The following ENKD1 variants were observed in gnomAD, a reference collection of about 807,000 sequenced individuals.
The protein encoded by ENKD1 is enkurin domain containing 1.
Under a neutral mutation model 35.8 loss-of-function variants are expected in ENKD1, and 39 were observed. The ratio of observed to expected loss-of-function variants is 1.09; its 90% CI spans 0.84 to 1.42. The LOEUF (loss-of-function observed/expected upper bound fraction) is 1.42, where lower values mean the gene tolerates loss of function less well. Among genes scored for constraint, ENKD1 ranks in the 40% most tolerant of loss-of-function variants. The pLI is 0.00. For missense variants in ENKD1, 474 were observed against 471.3 expected (o/e 1.01, Z -0.05); for synonymous variants, 205 against 198.6 (o/e 1.03, Z -0.27).
intron 2 of ENKD1, 125 bp downstream of exon 2, chr16:67,665,946 T>C: frequency 4.8e-6 from 5 of 1,031,850 alleles, no homozygotes; most frequent in Non-Finnish European, 5.6e-6. Context: ...CCTTTTATAG[T>C]TGGGGAAACT....
In ENKD1 at chr16:67,666,537, C is replaced by T. The variant is rs1053817776; in HGVS notation, c.-95G>A. ...TTCCCCAACCCCGGGCCCCCTCCCT[C>T]GCCCGGCACCCTGACCCTGGCGTGC... On this transcript the variant is annotated 5_prime_UTR_variant, in exon 1 of 7. Coordinates refer to ENST00000243878, the MANE Select transcript of ENKD1 (RefSeq NM_032140.3). 2 of 1,182,498 alleles carry T rather than the reference C, an allele frequency of 1.7e-6. No homozygotes were observed. Among genetic ancestry groups the T allele is most frequent in the African/African-American group, 3.3e-5 (2 of 61,238 alleles). 73.3% of individuals were successfully genotyped at this position (1,182,498 alleles called of 1,614,324 possible). A position where few individuals can be genotyped will look rare whatever the true frequency, so the allele number is the denominator to read the frequency against.
chr16:67,666,145 C>CG lies in ENKD1; in HGVS notation c.205dup (p.Arg69ProfsTer30). 6.2e-7 allele frequency: 1 copy of CG among 1,612,820 alleles called. No homozygotes were observed. The highest frequency in any genetic ancestry group is 1.1e-5 in the South Asian group (1 of 91,086). ...CACGTCCCCGACGCCGCGCTGGCCG[C>CG]GCTCCAGGATCTCTCCGGCACCGGG... On this transcript the variant is annotated frameshift_variant, in exon 2 of 7. Coordinates refer to ENST00000243878, the MANE Select transcript of ENKD1 (RefSeq NM_032140.3). LOFTEE classifies it high-confidence loss of function.
At chr16:67,664,762 C>T (rs1477088133) in intron 3 of ENKD1, among the ~76,000 whole-genome samples, 1 of 152,176 alleles carries the variant, frequency 6.6e-6, no homozygotes, top group Non-Finnish European at 1.5e-5. Context: ...GAGGTTCCAT[C>T]TTTTGGGAAT....
At position 67,663,319 on chromosome 16, in the gene ENKD1, G is replaced by T. The variant is rs987687144; in HGVS notation, c.883C>A (p.Gln295Lys). 2.5e-6 allele frequency: 4 copies of T among 1,613,330 alleles called. No individual in the cohort carries two copies. In the African/African-American group the frequency reaches 5.3e-5, roughly 22 times the overall value. The part of the protein sequence containing the change: ...LETLTKLLQS[Q>K]SQLLRELVLL... The stretch of plus-strand genomic sequence containing the variant: ...ACCAGCTCACGCAGCAGCTGGCTCT[G>T]GCCTACAGGGGGCCCGGGAACAGTG... Residue 295 changes from glutamine to lysine, a missense_variant and splice_region_variant, in exon 7 of 7, where the codon CAG becomes AAG. Transcript: ENST00000243878.
chr16:67,666,068 T>TACTCTTG lies in ENKD1; in HGVS notation c.276_280+2dup, dbSNP rs1555543809. 1 of 1,612,018 alleles carries TACTCTTG rather than the reference T, an allele frequency of 6.2e-7. No individual in the cohort carries two copies. Among genetic ancestry groups the TACTCTTG allele is most frequent in the Admixed American group, 1.7e-5 (1 of 59,954 alleles). On this transcript the variant is annotated splice_region_variant and intron_variant, in intron 2 of 6. Coordinates refer to ENST00000243878, the MANE Select transcript of ENKD1 (RefSeq NM_032140.3). ...TGTCCCTTCTTCCATTCCTGGGACT[T>TACTCTTG]ACTCTTGAGAGAGGCCCCAGGACCT...
intron 3 of ENKD1, 162 bp downstream of exon 3, chr16:67,664,834 C>G: frequency 1.2e-6 from 1 of 816,550 alleles, no homozygotes; most frequent in South Asian, 1.9e-5. Context: ...CCCACCATCA[C>G]TACTTCTGAG....
At position 67,666,160 on chromosome 16, in the gene ENKD1, C is replaced by T. The variant is rs1423152025; in HGVS notation, c.191G>A (p.Gly64Glu). ...PRGPCIGPGA[G>E]EILERGQRGV... ...GCGCTGGCCGCGCTCCAGGATCTCTCCGGCACCGGGACCGATGCAGGGGCC... is the reference window on the plus strand; with the variant it reads ...GCGCTGGCCGCGCTCCAGGATCTCTTCGGCACCGGGACCGATGCAGGGGCC... The change falls in exon 2 of 7, where the codon GGA becomes GAA. Residue 64 changes from glycine to glutamate, a missense_variant. Transcript: ENST00000243878. The T allele has an allele frequency of 6.2e-7, 1 of 1,612,678 alleles. No individual in the cohort carries two copies. Among genetic ancestry groups the T allele is most frequent in the Non-Finnish European group, 8.5e-7 (1 of 1,179,926 alleles).
In ENKD1 at chr16:67,664,990, A is replaced by G; in HGVS notation, c.453+6T>C. The G allele has an allele frequency of 1.3e-6, 2 of 1,593,530 alleles. No homozygotes were observed. Among genetic ancestry groups the G allele is most frequent in the Non-Finnish European group, 1.7e-6 (2 of 1,169,922 alleles). ...GATAATACTTCTGGCTCCCTGAAGC[A>G]GGTACCTGGAGCTGGGCCTTGACCC... is the stretch of plus-strand genomic sequence containing the variant. On this transcript the variant is annotated splice_donor_region_variant and intron_variant, in intron 3 of 6. Coordinates refer to ENST00000243878, the MANE Select transcript of ENKD1 (RefSeq NM_032140.3).
Position 67,666,341 on chromosome 16 carries a change from C to T in ENKD1, c.85+17G>A. 2 of 1,583,116 alleles carry T rather than the reference C, an allele frequency of 1.3e-6. No individual in the cohort carries two copies. Among genetic ancestry groups the T allele is most frequent in the Non-Finnish European group, 1.7e-6 (2 of 1,170,524 alleles). On this transcript the variant is annotated intron_variant, in intron 1 of 6. Transcript: ENST00000243878. ...CGACCCCTGAGCCTCGCACCACCGC[C>T]AAGCCCCCGGACTCACCCGAGGTCG...
chr16:67,665,167 C>G lies in ENKD1; in HGVS notation c.282G>C (p.Arg94Ser), dbSNP rs746984631. Residue 94 changes from arginine to serine, a missense_variant and splice_region_variant, in exon 3 of 7, where the codon AGG becomes AGC. Transcript: ENST00000243878. ...ISLGPGASLK[R>S]KDPKDHEKEN... The stretch of plus-strand genomic sequence containing the variant: ...CCTTCTCATGGTCCTTAGGGTCCTT[C>G]CCTGGAGAAAAGATGCCCCCAGGTT... 9 of 1,609,294 alleles carry G rather than the reference C, an allele frequency of 5.6e-6. No homozygotes were observed. Among genetic ancestry groups the G allele is most frequent in the Admixed American group, 1.7e-5 (1 of 58,970 alleles).
chr16:67,664,666 C>T (rs962769768), intron 3 of ENKD1, among the ~76,000 whole-genome samples: 2 of 152,206 alleles, frequency 1.3e-5, no homozygotes, highest in Non-Finnish European at 1.5e-5. Flanking sequence ...GTGGGTCCAG[C>T]TGACTTCTTG....
Position 67,663,793 on chromosome 16 carries a change from G to T in ENKD1, c.607C>A (p.Arg203Ser). The change falls in exon 5 of 7, where the codon CGT (arginine) becomes AGT (serine). Residue 203 changes from arginine (R) to serine (S), a missense_variant. Arg to Ser is a moderately radical substitution (Grantham distance 110). Coordinates refer to ENST00000243878, the MANE Select transcript of ENKD1 (RefSeq NM_032140.3). ...CTCTTGGCAGCTCGTGCATTGTGAC[G>T]AATGAAGTCCACCCCCAGGCCTGGC... ...KEPGLGVDFIRHNARAAKRAP... is the reference protein window; with the variant it reads ...KEPGLGVDFISHNARAAKRAP... 6.2e-7 allele frequency: 1 copy of T among 1,607,684 alleles called. No individual in the cohort carries two copies. The highest frequency in any genetic ancestry group is 8.5e-7 in the Non-Finnish European group (1 of 1,176,818).
rs532032852 is a variant in ENKD1, at chr16:67,666,167, C to T, written c.184G>A (p.Gly62Ser). The change falls in exon 2 of 7, where the codon GGT (glycine) becomes AGT (serine). Residue 62 changes from glycine to serine, a missense_variant. By Grantham distance (56) the Gly-to-Ser change is moderately conservative. Transcript: ENST00000243878. The part of the protein sequence containing the change: ...TAPRGPCIGP[G>S]AGEILERGQR... ...CCGCGCTCCAGGATCTCTCCGGCACCGGGACCGATGCAGGGGCCACGGGGA... is the reference window on the plus strand; with the variant it reads ...CCGCGCTCCAGGATCTCTCCGGCACTGGGACCGATGCAGGGGCCACGGGGA... 5 of 1,612,628 alleles carry T rather than the reference C, an allele frequency of 3.1e-6. No individual in the cohort carries two copies. Among genetic ancestry groups the T allele is most frequent in the East Asian group, 2.2e-5 (1 of 44,878 alleles).
chr16:67,666,074 T>G lies in ENKD1; in HGVS notation c.277A>C (p.Lys93Gln). 1 of 1,612,244 alleles carries G rather than the reference T, an allele frequency of 6.2e-7. No individual in the cohort carries two copies. Among genetic ancestry groups the G allele is most frequent in the Non-Finnish European group, 8.5e-7 (1 of 1,179,770 alleles). Residue 93 changes from lysine (K) to glutamine (Q), a missense_variant, in exon 2 of 7, where the codon AAG becomes CAG. By Grantham distance (53) the Lys-to-Gln change is moderately conservative. Coordinates refer to ENST00000243878, the MANE Select transcript of ENKD1 (RefSeq NM_032140.3). ...TTCTTCCATTCCTGGGACTTACTCTTGAGAGAGGCCCCAGGACCTAGGGAG... is the reference window on the plus strand; with the variant it reads ...TTCTTCCATTCCTGGGACTTACTCTGGAGAGAGGCCCCAGGACCTAGGGAG... ...GISLGPGASL[K>Q]RKDPKDHEKE...
chr16:67,663,135 T>G lies in ENKD1; in HGVS notation c.*26A>C, dbSNP rs2053052578. On this transcript the variant is annotated 3_prime_UTR_variant, in exon 7 of 7. Transcript: ENST00000243878. ...CATGTGGCGATCCTCAGCATGGAGC[T>G]CCTTGCCACTGTCCCCCAAAGGGGC... is the stretch of plus-strand genomic sequence containing the variant. 1 of 1,613,030 alleles carries G rather than the reference T, an allele frequency of 6.2e-7. No homozygotes were observed. The highest frequency in any genetic ancestry group is 1.7e-5 in the Admixed American group (1 of 59,984).
At position 67,663,703 on chromosome 16, in the gene ENKD1, C is replaced by T. The variant is rs922654494; in HGVS notation, c.697G>A (p.Ala233Thr). The change falls in exon 5 of 7, where the codon GCC (alanine) becomes ACC (threonine). Residue 233 changes from alanine to threonine, a missense_variant. By Grantham distance (58) the Ala-to-Thr change is moderately conservative. Transcript: ENST00000243878. ...LAQVLEQQRQ[A>T]QEHYNATQKG... ...TGCGTGGCATTGTAGTGCTCCTGGG[C>T]CTGCCGCTGCTGCTCTAGCACTTGT... 6.2e-6 allele frequency: 10 copies of T among 1,613,194 alleles called. 1 individual carries two copies. In the South Asian group the frequency reaches 9.9e-5, roughly 16 times the overall value.
Position 67,666,181 on chromosome 16 carries a change from G to C in ENKD1, c.170C>G (p.Pro57Arg), listed in dbSNP as rs766712740. 2 of 1,612,066 alleles carry C rather than the reference G, an allele frequency of 1.2e-6. No homozygotes were observed. Among genetic ancestry groups the C allele is most frequent in the South Asian group, 1.1e-5 (1 of 91,032 alleles). The change falls in exon 2 of 7, where the codon CCC becomes CGC. Residue 57 changes from proline (P) to arginine (R), a missense_variant. Coordinates refer to ENST00000243878, the MANE Select transcript of ENKD1 (RefSeq NM_032140.3). Reference sequence around the variant, plus strand: ...CTCTCCGGCACCGGGACCGATGCAGGGGCCACGGGGAGCGGTGGTGTCCAG... The same window carrying C: ...CTCTCCGGCACCGGGACCGATGCAGCGGCCACGGGGAGCGGTGGTGTCCAG... ...RALDTTAPRG[P>R]CIGPGAGEIL...
At chr16:67,664,121 A>C in intron 3 of ENKD1, 59 bp from the exon 4 acceptor site, 1 of 1,483,320 alleles carries the variant, frequency 6.7e-7, no homozygotes, top group Non-Finnish European at 9.2e-7. Context: ...CTCAAGCTGC[A>C]AGACCCTGGC....
Position 67,663,657 on chromosome 16 carries a change from T to A in ENKD1, c.743A>T (p.Tyr248Phe). The A allele has an allele frequency of 6.2e-7, 1 of 1,610,670 alleles. No individual in the cohort carries two copies. The highest frequency in any genetic ancestry group is 8.5e-7 in the Non-Finnish European group (1 of 1,177,752). ...CTGAGTGTCGGGCAGTGAGACCTAC[T>A]AATGTGGCACATGGCCCTTCTGCGT... ...NATQKGHVPH[Y>F]LLERRDLWRR... Residue 248 changes from tyrosine (Y) to phenylalanine (F), a missense_variant and splice_region_variant, in exon 5 of 7, where the codon TAC becomes TTC. Tyr to Phe is a conservative substitution (Grantham distance 22, BLOSUM62 3). Coordinates refer to ENST00000243878, the MANE Select transcript of ENKD1 (RefSeq NM_032140.3).
Sources: allele counts gnomAD v4.1 joint callset (sites outside exome capture counted in the v4.1 genomes callset), GRCh38; gene constraint gnomAD v4.1.1; transcripts MANE v1.5; gene names NCBI Gene and HGNC (gene_info 2026-07-23, HGNC 2026-07-21).